The following AJM1 variants were observed in gnomAD, a reference collection of about 807,000 sequenced individuals.
The protein encoded by AJM1 is apical junction component 1 homolog.
AJM1 carries 22 observed loss-of-function variants against 43.0 expected under a neutral mutation model. The observed-to-expected ratio is 0.51, with a 90% CI of 0.37 to 0.73. The LOEUF is 0.73. AJM1 is among the 30% of genes least tolerant of loss of function. AJM1 has a pLI of 0.00. For synonymous variants in AJM1, 719 were observed against 638.3 expected (o/e 1.13, Z -1.91); for missense variants, 1,305 against 1,343.3 (o/e 0.97, Z 0.45).
Position 136,846,051 on chromosome 9 carries a change from C to G in AJM1, c.1637C>G (p.Pro546Arg), listed in dbSNP as rs770142218. The change falls in exon 3 of 3, where the codon CCG becomes CGG. Residue 546 changes from proline (P) to arginine (R), a missense_variant. This residue lies in a region of AJM1 where 653 missense variants were observed against 549.1 expected (regional missense o/e 1.19). Transcript: ENST00000436881. ...TDNDLRATER[P>R]SARAWELPGG... The stretch of plus-strand genomic sequence containing the variant: ...AATGACCTGCGCGCCACCGAGCGCC[C>G]GAGCGCCAGGGCCTGGGAGTTGCCC... 1.2e-5 allele frequency: 19 copies of G among 1,540,476 alleles called. No homozygotes were observed. In the African/African-American group the frequency reaches 2.5e-4, roughly 20 times the overall value.
At position 136,845,587 on chromosome 9, in the gene AJM1, G is replaced by T. The variant is rs1487837857; in HGVS notation, c.1173G>T (p.Thr391=). ...RYRERDVLAR[T]YPHPRSSPAW... is the part of the protein sequence containing the mutation. ...GCGAGCGTGACGTCCTGGCTCGGAC[G>T]TACCCGCACCCGCGCAGCAGCCCGG... is the stretch of plus-strand genomic sequence containing the variant. The change falls in exon 3 of 3, where the codon ACG becomes ACT. Residue 391 remains threonine (T), a synonymous_variant. Transcript: ENST00000436881. The T allele has an allele frequency of 6.3e-7, 1 of 1,587,000 alleles. No individual in the cohort carries two copies. Among genetic ancestry groups the T allele is most frequent in the South Asian group, 1.1e-5 (1 of 88,530 alleles).
In AJM1 at chr9:136,844,572, T is replaced by G; in HGVS notation, c.158T>G (p.Phe53Cys). 6.3e-7 allele frequency: 1 copy of G among 1,599,710 alleles called. No individual in the cohort carries two copies. The highest frequency in any genetic ancestry group is 8.5e-7 in the Non-Finnish European group (1 of 1,174,890). ...APFNKRHCRS[F>C]DFLEALDGPA... ...TTCAACAAGCGCCACTGCCGCAGCT[T>G]CGACTTCCTGGAGGCGCTGGACGGG... is the stretch of plus-strand genomic sequence containing the variant. Residue 53 changes from phenylalanine to cysteine, a missense_variant, in exon 3 of 3, where the codon TTC (phenylalanine) becomes TGC (cysteine). By Grantham distance (205) the Phe-to-Cys change is radical. Coordinates refer to ENST00000436881, the MANE Select transcript of AJM1 (RefSeq NM_001080482.5).
In AJM1 at chr9:136,847,370, C is replaced by A; in HGVS notation, c.*25C>A. On this transcript the variant is annotated 3_prime_UTR_variant, in exon 3 of 3. Coordinates refer to ENST00000436881, the MANE Select transcript of AJM1 (RefSeq NM_001080482.5). ...AGGCGCCGGGCCCACCAGGCCTAGC[C>A]CAGGCGCTGGCCCGAACCCTGCCCT... The A allele has an allele frequency of 6.8e-7, 1 of 1,469,808 alleles. No individual in the cohort carries two copies. Among genetic ancestry groups the A allele is most frequent in the Non-Finnish European group, 9.0e-7 (1 of 1,110,608 alleles). The allele number at this position is 1,469,808 out of a possible 1,614,324, so 91.0% of individuals were successfully genotyped here.
chr9:136,847,207 C>G lies in AJM1; in HGVS notation c.2793C>G (p.Asn931Lys), dbSNP rs1220553103. 1.9e-6 allele frequency: 3 copies of G among 1,605,948 alleles called. No individual in the cohort carries two copies. The highest frequency in any genetic ancestry group is 1.7e-6 in the Non-Finnish European group (2 of 1,178,910). The change falls in exon 3 of 3, where the codon AAC (asparagine) becomes AAG (lysine). Residue 931 changes from asparagine (N) to lysine (K), a missense_variant. Around this residue, in one of 6 missense-constraint regions of AJM1, gnomAD observed 116 missense variants for 113.4 expected, o/e 1.02. Coordinates refer to ENST00000436881, the MANE Select transcript of AJM1 (RefSeq NM_001080482.5). ...YEQLCEFVEANRRFTPTTIYP... is the reference protein window; with the variant it reads ...YEQLCEFVEAKRRFTPTTIYP... Reference sequence around the variant, plus strand: ...AGCTTTGCGAGTTCGTCGAGGCCAACAGGCGCTTCACGCCCACCACCATCT... The same window carrying G: ...AGCTTTGCGAGTTCGTCGAGGCCAAGAGGCGCTTCACGCCCACCACCATCT...
Position 136,846,713 on chromosome 9 carries a change from C to A in AJM1, c.2299C>A (p.Arg767Ser), listed in dbSNP as rs1848780739. The stretch of plus-strand genomic sequence containing the variant: ...TCCAGGCTCGGCCGACAACTTCCTG[C>A]GCTTTGGCCTGGAGGGGCTGCTGCT... The part of the protein sequence containing the change: ...PSPGSADNFL[R>S]FGLEGLLLSP... The change falls in exon 3 of 3, where the codon CGC (arginine) becomes AGC (serine). Residue 767 changes from arginine to serine, a missense_variant. Physicochemically the swap from Arg to Ser is moderately radical, Grantham distance 110. Coordinates refer to ENST00000436881, the MANE Select transcript of AJM1 (RefSeq NM_001080482.5). The A allele has an allele frequency of 1.9e-6, 3 of 1,604,332 alleles. No individual in the cohort carries two copies. Among genetic ancestry groups the A allele is most frequent in the African/African-American group, 1.3e-5 (1 of 74,772 alleles).
chr9:136,846,234 GCCC>G lies in AJM1; in HGVS notation c.1823_1825del (p.Pro608del), dbSNP rs923688886. On this transcript the variant is annotated inframe_deletion, in exon 3 of 3. Transcript: ENST00000436881. ...TCAGAGCCCGCGGCCGACTGCCTGG[GCCC>G]CCAACTGCGCCGACTGCTGGACTCG... The G allele has an allele frequency of 4.1e-6, 6 of 1,467,990 alleles. No individual in the cohort carries two copies. Among genetic ancestry groups the G allele is most frequent in the Admixed American group, 4.8e-5 (2 of 41,320 alleles). 90.9% of individuals were successfully genotyped at this position (1,467,990 alleles called of 1,614,324 possible).
Position 136,846,076 on chromosome 9 carries a change from CG to C in AJM1, c.1667del (p.Gly556AlafsTer22). ...RPSARAWELP[G>X]GRTRPPPHAA... The stretch of plus-strand genomic sequence containing the variant: ...CGAGCGCCAGGGCCTGGGAGTTGCC[CG>C]GGGGCCGCACGCGGCCACCTCCCCA... On this transcript the variant is annotated frameshift_variant, in exon 3 of 3. Coordinates refer to ENST00000436881, the MANE Select transcript of AJM1 (RefSeq NM_001080482.5). LOFTEE classifies it high-confidence loss of function. 6.5e-7 allele frequency: 1 copy of C among 1,533,200 alleles called. No homozygotes were observed. 95.0% of individuals were successfully genotyped at this position (1,533,200 alleles called of 1,614,324 possible).
At chr9:136,843,267 T>TCTGA (rs35272240) in intron 1 of AJM1, among the ~76,000 whole-genome samples, 1 of 152,222 alleles carries the variant, frequency 6.6e-6, no homozygotes, top group African/African-American at 2.4e-5. Context: ...GTGGCCACTC[T>TCTGA]CTGACGCACC....
chr9:136,846,098 C>A lies in AJM1; in HGVS notation c.1684C>A (p.Pro562Thr). The A allele has an allele frequency of 6.5e-7, 1 of 1,528,820 alleles. No homozygotes were observed. Among genetic ancestry groups the A allele is most frequent in the Non-Finnish European group, 8.8e-7 (1 of 1,142,494 alleles). The allele number at this position is 1,528,820 out of a possible 1,614,324, so 94.7% of individuals were successfully genotyped here. ...GCCCGGGGGCCGCACGCGGCCACCT[C>A]CCCACGCGGCCCCCGACGGCCCCAC... ...ELPGGRTRPPPHAAPDGPTSG... is the reference protein window; with the variant it reads ...ELPGGRTRPPTHAAPDGPTSG... The change falls in exon 3 of 3, where the codon CCC (proline) becomes ACC (threonine). Residue 562 changes from proline to threonine, a missense_variant. Pro to Thr is a conservative substitution (Grantham distance 38). Around this residue, in one of 6 missense-constraint regions of AJM1, gnomAD observed 653 missense variants for 549.1 expected, o/e 1.19. Coordinates refer to ENST00000436881, the MANE Select transcript of AJM1 (RefSeq NM_001080482.5).
intron 1 of AJM1, among the ~76,000 whole-genome samples, chr9:136,843,200 A>C (rs1305570781): frequency 6.6e-6 from 1 of 152,174 alleles, no homozygotes; most frequent in African/African-American, 2.4e-5. Flanking sequence ...CGCTTTCCCC[A>C]GCTCACTCTG....
rs1286413142 is a variant in AJM1 at position 136,845,724 on chromosome 9, G to A, written c.1310G>A (p.Arg437Gln). ...WHGGTGTSPP[R>Q]LATDSRHYSR... Reference sequence around the variant, plus strand: ...GGCGGCACCGGCACCAGTCCGCCCCGGCTGGCCACCGACAGCCGCCACTAC... The same window carrying A: ...GGCGGCACCGGCACCAGTCCGCCCCAGCTGGCCACCGACAGCCGCCACTAC... Residue 437 changes from arginine to glutamine, a missense_variant, in exon 3 of 3, where the codon CGG becomes CAG. Physicochemically the swap from Arg to Gln is conservative, Grantham distance 43. Around this residue, in one of 6 missense-constraint regions of AJM1, gnomAD observed 653 missense variants for 549.1 expected, o/e 1.19. Transcript: ENST00000436881. 1.3e-6 allele frequency: 2 copies of A among 1,562,602 alleles called. No homozygotes were observed. Among genetic ancestry groups the A allele is most frequent in the African/African-American group, 1.4e-5 (1 of 73,750 alleles).
intron 1 of AJM1, among the ~76,000 whole-genome samples, chr9:136,842,990 G>T (rs940941988): frequency 5.3e-5 from 8 of 149,820 alleles, no homozygotes; most frequent in African/African-American, 1.7e-4. Flanking sequence ...TGCCACGGGT[G>T]GGGTGGAGGG....
chr9:136,847,196 G>T lies in AJM1; in HGVS notation c.2782G>T (p.Val928Phe), dbSNP rs752284429. The change falls in exon 3 of 3, where the codon GTC (valine) becomes TTC (phenylalanine). Residue 928 changes from valine to phenylalanine, a missense_variant. Transcript: ENST00000436881. Reference sequence around the variant, plus strand: ...CGTCTACGAGCAGCTTTGCGAGTTCGTCGAGGCCAACAGGCGCTTCACGCC... The same window carrying T: ...CGTCTACGAGCAGCTTTGCGAGTTCTTCGAGGCCAACAGGCGCTTCACGCC... ...PRVYEQLCEF[V>F]EANRRFTPTT... The T allele has an allele frequency of 2.5e-6, 4 of 1,605,560 alleles. No individual in the cohort carries two copies. The Admixed American group carries it at 6.7e-5, about 27-fold the overall frequency.
At position 136,847,264 on chromosome 9, in the gene AJM1, C is replaced by T. The variant is rs1270787453; in HGVS notation, c.2850C>T (p.Phe950=). The change falls in exon 3 of 3, where the codon TTC becomes TTT. Residue 950 remains phenylalanine, a synonymous_variant. Transcript: ENST00000436881. The stretch of plus-strand genomic sequence containing the variant: ...CGGACCGGCGCACCGGCCGCCCCTT[C>T]ATGTGCATGATCATGGCCGCCTCCG... The part of the protein sequence containing the change: ...YPTDRRTGRP[F]MCMIMAASEP... 5.6e-6 allele frequency: 9 copies of T among 1,595,280 alleles called. No homozygotes were observed. Among genetic ancestry groups the T allele is most frequent in the South Asian group, 1.1e-5 (1 of 89,414 alleles).
rs751280361 is a variant in AJM1 at position 136,847,201 on chromosome 9, G to A, written c.2787G>A (p.Glu929=). Residue 929 remains glutamate, a synonymous_variant, in exon 3 of 3, where the codon GAG becomes GAA. Coordinates refer to ENST00000436881, the MANE Select transcript of AJM1 (RefSeq NM_001080482.5). ...RVYEQLCEFV[E]ANRRFTPTTI... ...ACGAGCAGCTTTGCGAGTTCGTCGA[G>A]GCCAACAGGCGCTTCACGCCCACCA... 5.0e-6 allele frequency: 8 copies of A among 1,605,830 alleles called. No homozygotes were observed. The highest frequency in any genetic ancestry group is 4.2e-6 in the Non-Finnish European group (5 of 1,178,916).
chr9:136,844,471 G>A lies in AJM1; in HGVS notation c.57G>A (p.Lys19=), dbSNP rs746214247. The change falls in exon 3 of 3, where the codon AAG becomes AAA. Residue 19 remains lysine (K), a synonymous_variant. Coordinates refer to ENST00000436881, the MANE Select transcript of AJM1 (RefSeq NM_001080482.5). ...TGTCGACCGTGTACCAGGACATCAA[G>A]GTGGCGACCCCGGGACCCGCGTCCA... The part of the protein sequence containing the change: ...LLVSTVYQDI[K]VATPGPASKC... 8.7e-6 allele frequency: 14 copies of A among 1,611,700 alleles called. No individual in the cohort carries two copies. In the East Asian group the frequency reaches 2.5e-4, roughly 28 times the overall value.
Position 136,844,712 on chromosome 9 carries a change from C to T in AJM1, c.298C>T (p.Pro100Ser). 5.1e-6 allele frequency: 5 copies of T among 985,086 alleles called. No individual in the cohort carries two copies. Among genetic ancestry groups the T allele is most frequent in the South Asian group, 8.3e-5 (2 of 24,080 alleles). The allele number at this position is 985,086 out of a possible 1,614,324, so 61.0% of individuals were successfully genotyped here. Residue 100 changes from proline (P) to serine (S), a missense_variant, in exon 3 of 3, where the codon CCC (proline) becomes TCC (serine). By Grantham distance (74) the Pro-to-Ser change is moderately conservative. Transcript: ENST00000436881. ...RARSKSAPRAPPGLTPAPASP... is the reference protein window; with the variant it reads ...RARSKSAPRASPGLTPAPASP... ...CCGCTCCAAGAGTGCGCCCCGCGCGCCCCCGGGCCTGACGCCCGCGCCCGC... is the reference window on the plus strand; with the variant it reads ...CCGCTCCAAGAGTGCGCCCCGCGCGTCCCCGGGCCTGACGCCCGCGCCCGC...
chr9:136,843,137 C>T (rs908029608), intron 1 of AJM1, among the ~76,000 whole-genome samples: 1 of 152,166 alleles, frequency 6.6e-6, no homozygotes, highest in Non-Finnish European at 1.5e-5. Flanking sequence ...GGCCAGACCC[C>T]GAGAGGCCCA....
intron 1 of AJM1, among the ~76,000 whole-genome samples, chr9:136,842,893 G>A (rs1035945229): frequency 4.6e-5 from 7 of 152,052 alleles, no homozygotes; most frequent in East Asian, 1.9e-4. Context: ...ACCTCCCTGG[G>A]GTGGAGCCTC....
Sources: allele counts gnomAD v4.1 joint callset (sites outside exome capture counted in the v4.1 genomes callset), GRCh38; gene constraint gnomAD v4.1.1; regional missense constraint gnomAD v4.1.1; transcripts MANE v1.5; gene names NCBI Gene and HGNC (gene_info 2026-07-23, HGNC 2026-07-21).